SMAD3: variants seen among roughly 807,000 people sequenced by gnomAD.
The protein encoded by SMAD3 is SMAD family member 3, also known as MAD homolog 3.
SMAD3 carries 12 observed loss-of-function variants against 51.8 expected under a neutral mutation model. The observed-to-expected ratio is 0.23, with a 90% confidence interval of 0.15 to 0.38. The LOEUF (loss-of-function observed/expected upper bound fraction) is 0.38. SMAD3 is among the 10% of genes least tolerant of loss of function. SMAD3 has a pLI of 1.00. For synonymous variants in SMAD3, 238 were observed against 227.7 expected, an observed-to-expected ratio of 1.05 and a Z score of -0.41; for missense variants, 294 against 565.6, an observed-to-expected ratio of 0.52 and a Z score of 4.87.
At chr15:67,111,299 C>T (rs1961009341) in intron 1 of SMAD3, among the ~76,000 whole-genome samples, 1 of 152,174 alleles carries the variant, frequency 6.6e-6, no homozygotes, top group African/African-American at 2.4e-5. Context: ...AGGGTTCATC[C>T]ATTTGTAGCA....
At chr15:67,096,204 A>G (rs1371877890) in intron 1 of SMAD3, among the ~76,000 whole-genome samples, 2 of 152,246 alleles carry the variant, frequency 1.3e-5, no homozygotes, top group African/African-American at 4.8e-5. Context: ...GAAAATGATG[A>G]CGGAAGAAGG....
intron 1 of SMAD3, among the ~76,000 whole-genome samples, chr15:67,147,753 C>T (rs1310729068): frequency 6.6e-6 from 1 of 152,198 alleles, no homozygotes; most frequent in Non-Finnish European, 1.5e-5. Context: ...TTTTTGAGGT[C>T]AGTAATTCTG....
intron 1 of SMAD3, among the ~76,000 whole-genome samples, chr15:67,074,350 A>T (rs971727486): frequency 6.6e-6 from 1 of 152,244 alleles, no homozygotes; most frequent in Non-Finnish European, 1.5e-5. Context: ...AAAAATGGTT[A>T]AATGTAAGAG....
chr15:67,180,235 C>T (rs1040783191), intron 5 of SMAD3, among the ~76,000 whole-genome samples: 4 of 151,956 alleles, frequency 2.6e-5, no homozygotes, highest in East Asian at 1.9e-4. Flanking sequence ...GTGGGAATTC[C>T]GAGGGCCCGG....
intron 1 of SMAD3, among the ~76,000 whole-genome samples, chr15:67,106,746 G>A (rs2053294): frequency 0.11 from 16,206 of 152,084 alleles, 896 homozygotes; most frequent in Middle Eastern, 0.14. Context: ...TCCGTTACCC[G>A]CGTGGTAGCC....
chr15:67,156,141 G>A (rs978299627), intron 1 of SMAD3, among the ~76,000 whole-genome samples: 2 of 152,200 alleles, frequency 1.3e-5, no homozygotes, highest in African/African-American at 2.4e-5. Flanking sequence ...GAACATGTGT[G>A]TATGTACCAG....
intron 1 of SMAD3, among the ~76,000 whole-genome samples, chr15:67,157,842 T>C (rs1962325301): frequency 1.3e-5 from 2 of 152,150 alleles, no homozygotes; most frequent in South Asian, 4.1e-4. Flanking sequence ...TTGAAGCCAA[T>C]GGGAGGAAAC....
intron 3 of SMAD3, among the ~76,000 whole-genome samples, 177 bp downstream of exon 3, chr15:67,165,561 A>G (rs1461773974): frequency 2.6e-5 from 4 of 152,220 alleles, no homozygotes; most frequent in Admixed American, 2.6e-4. Context: ...GAGAGGACCC[A>G]TGACCTCAGC....
chr15:67,065,776 G>A lies in SMAD3; in HGVS notation c.-379G>A, dbSNP rs941168936. 2 of 201,912 alleles carry A rather than the reference G, an allele frequency of 9.9e-6. No homozygotes were observed. The highest frequency in any genetic ancestry group is 1.4e-4 in the East Asian group (2 of 13,818). The allele number at this position is 201,912 out of a possible 1,614,324, so 12.5% of individuals were successfully genotyped here. On this transcript the variant is annotated 5_prime_UTR_variant, in exon 1 of 9. Coordinates refer to ENST00000327367, the MANE Select transcript of SMAD3 (RefSeq NM_005902.4). Reference sequence around the variant, plus strand: ...CGAGGCGAGCGAAGTTTGGCCGGGGGTTGGACTTTCCTTCCCGGAGGCGGC... The same window carrying A: ...CGAGGCGAGCGAAGTTTGGCCGGGGATTGGACTTTCCTTCCCGGAGGCGGC...
chr15:67,166,827 A>G lies in SMAD3; in HGVS notation c.581A>G (p.His194Arg). The G allele has an allele frequency of 6.3e-7, 1 of 1,595,740 alleles. No individual in the cohort carries two copies. The highest frequency in any genetic ancestry group is 8.5e-7 in the Non-Finnish European group (1 of 1,170,820). ...YLSEDGETSD[H>R]QMNHSMDAGS... Reference sequence around the variant, plus strand: ...AGTGAAGATGGAGAAACCAGTGACCACCAGATGAACCACAGCATGGACGCA... The same window carrying G: ...AGTGAAGATGGAGAAACCAGTGACCGCCAGATGAACCACAGCATGGACGCA... The change falls in exon 4 of 9, where the codon CAC becomes CGC. Residue 194 changes from histidine (H) to arginine (R), a missense_variant. Around this residue, in one of 3 missense-constraint regions of SMAD3, gnomAD observed 147 missense variants for 260.9 expected, o/e 0.56. Transcript: ENST00000327367.
At chr15:67,091,080 CTG>C (rs1441879796) in intron 1 of SMAD3, among the ~76,000 whole-genome samples, 2 of 152,230 alleles carry the variant, frequency 1.3e-5, no homozygotes, top group African/African-American at 4.8e-5. Flanking sequence ...ATTGTGCCCT[CTG>C]GAGAGAAAGA....
At chr15:67,184,956 T>A in intron 7 of SMAD3, 92 bp downstream of exon 7, 1 of 1,494,756 alleles carries the variant, frequency 6.7e-7, no homozygotes, top group Non-Finnish European at 9.3e-7. Flanking sequence ...TCACCTTTTC[T>A]GCTCACTCAT....
chr15:67,175,189 G>A (rs999688173), intron 5 of SMAD3, among the ~76,000 whole-genome samples: 2 of 152,182 alleles, frequency 1.3e-5, no homozygotes, highest in Non-Finnish European at 2.9e-5. Flanking sequence ...GTTGTTCCCT[G>A]CTTTAAAGTG....
At chr15:67,077,474 G>A (rs1318205699) in intron 1 of SMAD3, among the ~76,000 whole-genome samples, 1 of 152,166 alleles carries the variant, frequency 6.6e-6, no homozygotes, top group Admixed American at 6.5e-5. Context: ...ACCACTGAAT[G>A]TGCCTTTGTT....
chr15:67,186,686 A>G, intron 7 of SMAD3: 1 of 166,822 alleles, frequency 6.0e-6, no homozygotes, highest in Admixed American at 6.0e-5. Flanking sequence ...CTGTCTGGAG[A>G]ATCAGATGCA....
chr15:67,074,405 T>G (rs1481376652), intron 1 of SMAD3, among the ~76,000 whole-genome samples: 1 of 152,262 alleles, frequency 6.6e-6, no homozygotes, highest in Non-Finnish European at 1.5e-5. Context: ...TGCTCATATG[T>G]CAAAGTTTAC....
chr15:67,083,760 C>T (rs1595889939), intron 1 of SMAD3, among the ~76,000 whole-genome samples: 3 of 152,292 alleles, frequency 2.0e-5, no homozygotes, highest in Non-Finnish European at 2.9e-5. Flanking sequence ...GAATGTTTGC[C>T]ATTTCTTCTT....
At chr15:67,084,091 T>A (rs1236313844) in intron 1 of SMAD3, among the ~76,000 whole-genome samples, 1 of 143,984 alleles carries the variant, frequency 6.9e-6, no homozygotes, top group Non-Finnish European at 1.5e-5. Context: ...TTTTTTTTTT[T>A]TTGAGATGGA....
At chr15:67,153,353 G>C (rs528774883) in intron 1 of SMAD3, among the ~76,000 whole-genome samples, 1 of 152,256 alleles carries the variant, frequency 6.6e-6, no homozygotes, top group African/African-American at 2.4e-5. Flanking sequence ...TTAGCCAGGC[G>C]TGGTGGTGCA....
Sources: allele counts gnomAD v4.1 joint callset (sites outside exome capture counted in the v4.1 genomes callset), GRCh38; gene constraint gnomAD v4.1.1; regional missense constraint gnomAD v4.1.1; transcripts MANE v1.5; gene names NCBI Gene and HGNC (gene_info 2026-07-23, HGNC 2026-07-21).